COL6A3: variants seen among roughly 807,000 people sequenced by gnomAD.
The protein encoded by COL6A3 is collagen type VI alpha 3 chain, also known as collagen alpha-3(VI) chain.
A neutral mutation model predicts 274.1 loss-of-function variants in COL6A3; 137 were observed. The observed-to-expected ratio is 0.50, with a 90% CI of 0.44 to 0.58. The LOEUF is 0.58. Ranked by LOEUF, COL6A3 falls within the 20% of genes least tolerant of loss-of-function variation. COL6A3 has a pLI of 0.00. For missense variants in COL6A3, 3,950 were observed against 4,124.9 expected (o/e 0.96, Z 1.16); for synonymous variants, 1,650 against 1,650.6 (o/e 1.00, Z 0.01).
chr2:237,378,584 AG>A, intron 6 of COL6A3, 51 bp downstream of exon 6: 1 of 1,611,810 alleles, frequency 6.2e-7, no homozygotes, highest in Non-Finnish European at 8.5e-7. Context: ...ACTACCCTCC[AG>A]GGTGGTGTCT....
chr2:237,365,897 C>G lies in COL6A3; in HGVS notation c.5639G>C (p.Gly1880Ala), dbSNP rs773300477. ...SQMHRVSCSG[G>A]RSPTVRVSVV... ...TGACACACGCACGGTGGGCGAGCGG[C>G]CACCGCTGCAGCTGACCCTGTGCAT... The change falls in exon 12 of 44, where the codon GGC (glycine) becomes GCC (alanine). Residue 1880 changes from glycine to alanine, a missense_variant. Gly to Ala is a moderately conservative substitution (Grantham distance 60, BLOSUM62 0). This residue lies in a region of COL6A3 where 632 missense variants were observed against 623.4 expected (regional missense o/e 1.01). Transcript: ENST00000295550. The G allele has an allele frequency of 1.2e-5, 19 of 1,614,144 alleles. No homozygotes were observed. Among genetic ancestry groups the G allele is most frequent in the Non-Finnish European group, 1.6e-5 (19 of 1,180,024 alleles).
At position 237,369,080 on chromosome 2, in the gene COL6A3, C is replaced by T. The variant is rs144612879; in HGVS notation, c.4383G>A (p.Arg1461=). 47 of 1,614,250 alleles carry T rather than the reference C, an allele frequency of 2.9e-5. No individual in the cohort carries two copies. The African/African-American group carries it at 4.4e-4, about 15-fold the overall frequency. The part of the protein sequence containing the change: ...GFAHIRDFVS[R]IVRRLNIGPS... ...GGCCGATGTTGAGTCTTCGAACAAT[C>T]CTGCTAACAAAATCTCGAATATGTG... Residue 1461 remains arginine (R), a synonymous_variant, in exon 10 of 44, where the codon AGG becomes AGA. Transcript: ENST00000295550.
intron 1 of COL6A3, among the ~76,000 whole-genome samples, chr2:237,408,190 TA>T (rs60588310): frequency 0.022 from 3,315 of 152,352 alleles, 115 homozygotes; most frequent in African/African-American, 0.076. Context: ...GAACATCTGA[TA>T]AAATATCATC....
At position 237,367,131 on chromosome 2, in the gene COL6A3, C is replaced by T; in HGVS notation, c.5056G>A (p.Asp1686Asn). 6.2e-7 allele frequency: 1 copy of T among 1,614,196 alleles called. No homozygotes were observed. Among genetic ancestry groups the T allele is most frequent in the African/African-American group, 1.3e-5 (1 of 75,052 alleles). ...TTCAGGAAGAATTCGTCAGTGGGGT[C>T]AGAGTTGTACTGGACAAGCCCCACT... Reference protein sequence around the residue: ...IQVGLVQYNSDPTDEFFLKDF... With the variant: ...IQVGLVQYNSNPTDEFFLKDF... The change falls in exon 11 of 44, where the codon GAC (aspartate) becomes AAC (asparagine). Residue 1686 changes from aspartate to asparagine, a missense_variant. Around this residue, in one of 5 missense-constraint regions of COL6A3, gnomAD observed 632 missense variants for 623.4 expected, o/e 1.01. Transcript: ENST00000295550.
At position 237,334,803 on chromosome 2, in the gene COL6A3, A is replaced by C; in HGVS notation, c.9052T>G (p.Tyr3018Asp). ...GAGGTGACGGTGAGGTCATAAAAAT[A>C]AGGACCGGGGGGCTCAGCCCTCTCC... Reference protein sequence around the residue: ...HWERAEPPGPYFYDLTVTSAH... With the variant: ...HWERAEPPGPDFYDLTVTSAH... The change falls in exon 41 of 44, where the codon TAT becomes GAT. Residue 3018 changes from tyrosine to aspartate, a missense_variant. Physicochemically the swap from Tyr to Asp is radical, Grantham distance 160. Transcript: ENST00000295550. 1 of 1,614,170 alleles carries C rather than the reference A, an allele frequency of 6.2e-7. No individual in the cohort carries two copies. The highest frequency in any genetic ancestry group is 8.5e-7 in the Non-Finnish European group (1 of 1,180,026).
chr2:237,398,152 ATTTAGCACT>A (rs1252514885), intron 1 of COL6A3, among the ~76,000 whole-genome samples: 1 of 152,250 alleles, frequency 6.6e-6, no homozygotes, highest in Non-Finnish European at 1.5e-5. Flanking sequence ...CTCTATTAAT[ATTTAGCACT>A]TTTCCTCCAA....
chr2:237,366,953 T>G lies in COL6A3; in HGVS notation c.5234A>C (p.Gln1745Pro). 1 of 1,614,256 alleles carries G rather than the reference T, an allele frequency of 6.2e-7. No individual in the cohort carries two copies. The highest frequency in any genetic ancestry group is 8.5e-7 in the Non-Finnish European group (1 of 1,180,040). ...AGSRLDQRVP[Q>P]IAFVITGGKS... ...TCCTCCCGTGATCACAAAGGCAATC[T>G]GAGGGACCCGCTGGTCCAGGCGGCT... Residue 1745 changes from glutamine (Q) to proline (P), a missense_variant, in exon 11 of 44, where the codon CAG (glutamine) becomes CCG (proline). Around this residue, in one of 5 missense-constraint regions of COL6A3, gnomAD observed 632 missense variants for 623.4 expected, o/e 1.01. Transcript: ENST00000295550.
rs2077379162 is a variant in COL6A3, at chr2:237,359,086, T to C, written c.6357A>G (p.Gly2119=). The C allele has an allele frequency of 1.9e-6, 3 of 1,614,004 alleles. No homozygotes were observed. The highest frequency in any genetic ancestry group is 1.7e-5 in the Admixed American group (1 of 60,004). ...IGLDGLDGED[G]DKGLPGSSGE... is the part of the protein sequence containing the mutation. ...CAGAAGAACCAGGCAATCCTTTGTCTCCCTGCCAAAGACAAGGATTAAAGG... is the reference window on the plus strand; with the variant it reads ...CAGAAGAACCAGGCAATCCTTTGTCCCCCTGCCAAAGACAAGGATTAAAGG... The change falls in exon 20 of 44, where the codon GGA becomes GGG. Residue 2119 remains glycine (G), a splice_region_variant and synonymous_variant. Coordinates refer to ENST00000295550, the MANE Select transcript of COL6A3 (RefSeq NM_004369.4).
At chr2:237,359,150 A>G (rs2077380855) in intron 19 of COL6A3, 56 bp downstream of exon 19, 2 of 1,613,330 alleles carry the variant, frequency 1.2e-6, no homozygotes, top group Admixed American at 1.7e-5. Flanking sequence ...CTGAGTTGTT[A>G]GTTTCTGGAA....
intron 36 of COL6A3, chr2:237,342,443 C>T: frequency 2.3e-6 from 1 of 441,236 alleles, no homozygotes. Flanking sequence ...CTAATGGTGT[C>T]ATTTGGAGGG....
At chr2:237,382,687 T>C (rs895711033) in intron 4 of COL6A3, among the ~76,000 whole-genome samples, 7 of 152,268 alleles carry the variant, frequency 4.6e-5, no homozygotes, top group African/African-American at 1.7e-4. Context: ...ATAGATTGCA[T>C]GGCAAGTTGA....
rs1388717659 is a variant in COL6A3 at position 237,325,563 on chromosome 2, G to A, written c.9490C>T (p.Pro3164Ser). The change falls in exon 43 of 44, where the codon CCT (proline) becomes TCT (serine). Residue 3164 changes from proline (P) to serine (S), a missense_variant. Around this residue, in one of 5 missense-constraint regions of COL6A3, gnomAD observed 1,284 missense variants for 1,349.7 expected, o/e 0.95. Coordinates refer to ENST00000295550, the MANE Select transcript of COL6A3 (RefSeq NM_004369.4). ...AACACAAGGAAGAATCACTTACCAG[G>A]AGCGCAAACCTTTTCACATTCTTTC... ...SQKECEKVCA[P>S]VLAKPGVISV... 1.2e-6 allele frequency: 2 copies of A among 1,613,936 alleles called. No individual in the cohort carries two copies. The highest frequency in any genetic ancestry group is 1.7e-5 in the Admixed American group (1 of 59,996).
chr2:237,341,312 G>A (rs775490354), intron 37 of COL6A3, among the ~76,000 whole-genome samples, 162 bp from the exon 38 acceptor site: 24 of 152,082 alleles, frequency 1.6e-4, no homozygotes, highest in African/African-American at 4.3e-4. Flanking sequence ...TTGGGAGGCC[G>A]AGGCAGGTGG....
intron 11 of COL6A3, 114 bp from the exon 12 acceptor site, chr2:237,366,149 G>T: frequency 1.2e-6 from 1 of 865,964 alleles, no homozygotes; most frequent in Non-Finnish European, 1.9e-6. Context: ...GCACTCAAGT[G>T]CAAAATGAGA....
At chr2:237,331,506 C>A (rs1200151261) in intron 42 of COL6A3, among the ~76,000 whole-genome samples, 1 of 151,992 alleles carries the variant, frequency 6.6e-6, no homozygotes. Context: ...TAGGTCGGTG[C>A]GAAAGTAATT....
intron 3 of COL6A3, among the ~76,000 whole-genome samples, chr2:237,389,851 T>C (rs1304775451): frequency 6.6e-6 from 1 of 152,256 alleles, no homozygotes; most frequent in Admixed American, 6.5e-5. Flanking sequence ...GTGTTTTTAG[T>C]AATTGCCACA....
In COL6A3 at chr2:237,371,523, A is replaced by G; in HGVS notation, c.4285+209T>C. 1 of 1,137,342 alleles carries G rather than the reference A, an allele frequency of 8.8e-7. No homozygotes were observed. The highest frequency in any genetic ancestry group is 1.2e-6 in the Non-Finnish European group (1 of 856,798). The allele number at this position is 1,137,342 out of a possible 1,614,324, so 70.5% of individuals were successfully genotyped here. ...TGAAGTGGGAGGTTGGCTGGATCCCAGAAGGCAGAGGTTAAAATGAGTTAT... is the reference window on the plus strand; with the variant it reads ...TGAAGTGGGAGGTTGGCTGGATCCCGGAAGGCAGAGGTTAAAATGAGTTAT... On this transcript the variant is annotated intron_variant, in intron 9 of 43. Transcript: ENST00000295550. This position sits in a 1 kb window ranked among gnomAD's most constrained non-coding sequence, Gnocchi z 4.3.
chr2:237,360,649 C>T (rs1053836690), intron 16 of COL6A3, among the ~76,000 whole-genome samples: 6 of 152,168 alleles, frequency 3.9e-5, no homozygotes, highest in Admixed American at 2.0e-4. Context: ...TTGGGCATTG[C>T]TCCCATGGAC....
At chr2:237,326,067 C>T (rs1399488751) in intron 42 of COL6A3, 2 of 184,656 alleles carry the variant, frequency 1.1e-5, no homozygotes, top group Admixed American at 5.8e-5. Context: ...CCTCCAAGTC[C>T]TTCCATGTTA....
Sources: allele counts gnomAD v4.1 joint callset (sites outside exome capture counted in the v4.1 genomes callset), GRCh38; gene constraint gnomAD v4.1.1; regional missense constraint gnomAD v4.1.1; non-coding constraint Gnocchi (gnomAD v3.1); transcripts MANE v1.5; gene names NCBI Gene and HGNC (gene_info 2026-07-23, HGNC 2026-07-21).